PCDHGB1: variants seen among roughly 807,000 people sequenced by gnomAD.
PCDHGB1 encodes the protein protocadherin gamma subfamily B, 1.
A neutral mutation model predicts 56.6 loss-of-function variants in PCDHGB1; 34 were observed. The ratio of observed to expected loss-of-function variants is 0.60; its 90% CI spans 0.46 to 0.80. PCDHGB1 has a LOEUF of 0.80. Ranked by LOEUF, PCDHGB1 falls within the 30% of genes least tolerant of loss-of-function variation. The probability of loss-of-function intolerance (pLI) is 0.00; values close to 1 mark genes in which losing one functional copy is unlikely to be tolerated. For synonymous variants in PCDHGB1, 561 were observed against 505.9 expected, an observed-to-expected ratio of 1.11 and a Z score of -1.46; for missense variants, 1,278 against 1,204.6, an observed-to-expected ratio of 1.06 and a Z score of -0.90.
intron 1 of PCDHGB1, chr5:141,393,440 C>T (rs777552488): frequency 1.7e-5 from 27 of 1,613,924 alleles, no homozygotes; most frequent in Non-Finnish European, 2.3e-5. Context: ...CTGCTCACCA[C>T]CTGGTCCTCA....
At chr5:141,379,313 A>G (rs1053297201) in intron 1 of PCDHGB1, 11 of 152,382 alleles carry the variant, frequency 7.2e-5, no homozygotes, top group Non-Finnish European at 1.5e-4. Flanking sequence ...CCTAAACAAG[A>G]GATCTAATCA....
Position 141,447,179 on chromosome 5 carries a change from G to A in PCDHGB1, c.2410-47628G>A, listed in dbSNP as rs558348683. ...GTTTAAGCGGGGTCTTGCTCTTGTC[G>A]CGCAGGCTGGAGTGCAATGGCTTGA... On this transcript the variant is annotated intron_variant, in intron 1 of 3. Transcript: ENST00000523390. 4.6e-4 allele frequency among the ~76,000 whole-genome samples: 70 copies of A among 151,826 alleles called. 1 individual carries two copies. The highest frequency in any genetic ancestry group is 3.9e-4 in the East Asian group (2 of 5,158).
chr5:141,404,174 C>A, intron 1 of PCDHGB1: 1 of 1,613,138 alleles, frequency 6.2e-7, no homozygotes, highest in Non-Finnish European at 8.5e-7. Flanking sequence ...GTTGACGGCC[C>A]AAATTCTTGA....
chr5:141,413,129 A>T (rs761379605), intron 1 of PCDHGB1: 41 of 1,536,352 alleles, frequency 2.7e-5, no homozygotes, highest in Non-Finnish European at 3.6e-5. Context: ...GTTGAAACAC[A>T]CAACGTGTCC....
chr5:141,415,649 A>C, intron 1 of PCDHGB1: 1 of 1,597,710 alleles, frequency 6.3e-7, no homozygotes, highest in Non-Finnish European at 8.5e-7. Context: ...GTTAAAAAAA[A>C]AAAGATTGGT....
intron 1 of PCDHGB1, chr5:141,372,449 G>A (rs777753711): frequency 2.5e-6 from 4 of 1,614,064 alleles, no homozygotes; most frequent in African/African-American, 1.3e-5. Context: ...CTGACCCTCA[G>A]GCGGAGCTAC....
In PCDHGB1 at chr5:141,502,866, C is replaced by CTTTTTTTTTTTT. The variant is rs549047197; in HGVS notation, c.2469-2524_2469-2513dup. 2.4e-4 allele frequency among the ~76,000 whole-genome samples: 31 copies of CTTTTTTTTTTTT among 128,008 alleles called. 3 individuals are homozygous for CTTTTTTTTTTTT. Among genetic ancestry groups the CTTTTTTTTTTTT allele is most frequent in the African/African-American group, 3.4e-4 (11 of 32,350 alleles). 84.0% of individuals were successfully genotyped at this position (128,008 alleles called of 152,430 possible). ...GAGCTGCCTAACCCTGACTCTCTGT[C>CTTTTTTTTTTTT]TTTTTTTTTTTTTTGACAGGGAGTC... is the stretch of plus-strand genomic sequence containing the variant. On this transcript the variant is annotated intron_variant, in intron 2 of 3. Transcript: ENST00000523390.
At chr5:141,377,095 T>G (rs887467044) in intron 1 of PCDHGB1, 5 of 152,298 alleles carry the variant, frequency 3.3e-5, no homozygotes, top group Non-Finnish European at 7.3e-5. Context: ...GTTTTTCTTT[T>G]ATATCAAAAG....
chr5:141,429,698 A>G (rs1436698608), intron 1 of PCDHGB1, among the ~76,000 whole-genome samples: 2 of 152,228 alleles, frequency 1.3e-5, no homozygotes, highest in Admixed American at 6.5e-5. Flanking sequence ...ATATCTTTAC[A>G]GTATAAATAT....
chr5:141,428,015 A>G, intron 1 of PCDHGB1: 5 of 1,604,042 alleles, frequency 3.1e-6, no homozygotes, highest in Non-Finnish European at 3.4e-6. Flanking sequence ...ATATAGTGCC[A>G]CGCGCCGCAG....
At chr5:141,409,464 C>T in intron 1 of PCDHGB1, 1 of 1,613,940 alleles carries the variant, frequency 6.2e-7, no homozygotes, top group East Asian at 2.2e-5. Context: ...TACAATGTCA[C>T]CATCGTAGCC....
In PCDHGB1 at chr5:141,476,966, G is replaced by C. The variant is rs780645226; in HGVS notation, c.2410-17841G>C. The C allele has an allele frequency of 1.2e-6, 2 of 1,614,152 alleles. No homozygotes were observed. Among genetic ancestry groups the C allele is most frequent in the Non-Finnish European group, 1.7e-6 (2 of 1,180,032 alleles). On this transcript the variant is annotated intron_variant, in intron 1 of 3. Coordinates refer to ENST00000523390, the MANE Select transcript of PCDHGB1 (RefSeq NM_018922.3). This position sits in a 1 kb window ranked among gnomAD's most constrained non-coding sequence, Gnocchi z 7.6. ...CAACGGTGAAATTATTTACTCCTTCGGCAGCCACAACCGCGCCGGCGTGCG... is the reference window on the plus strand; with the variant it reads ...CAACGGTGAAATTATTTACTCCTTCCGCAGCCACAACCGCGCCGGCGTGCG...
intron 1 of PCDHGB1, chr5:141,413,440 A>G (rs4912751): frequency 0.46 from 738,760 of 1,613,878 alleles, 177,316 homozygotes; most frequent in African/African-American, 0.83. Flanking sequence ...CGGCAGCTTG[A>G]TCACCGCGGG....
chr5:141,501,343 C>T (rs1202291965), intron 2 of PCDHGB1, among the ~76,000 whole-genome samples: 1 of 150,430 alleles, frequency 6.6e-6, no homozygotes, highest in Non-Finnish European at 1.5e-5. Context: ...ACCCCAAACT[C>T]AATAGGGCAA....
At chr5:141,428,275 G>C in intron 1 of PCDHGB1, 1 of 767,218 alleles carries the variant, frequency 1.3e-6, no homozygotes, top group Non-Finnish European at 2.2e-6. Context: ...TGTGCCCTCT[G>C]ATTCCCAAGC....
intron 1 of PCDHGB1, among the ~76,000 whole-genome samples, chr5:141,401,116 G>A (rs763920346): frequency 1.3e-5 from 2 of 152,036 alleles, no homozygotes; most frequent in African/African-American, 2.4e-5. Flanking sequence ...GGCCGAGGCG[G>A]TTGGATCACA....
chr5:141,399,620 CCTCTT>C (rs1251716471), intron 1 of PCDHGB1: 1 of 1,613,940 alleles, frequency 6.2e-7, no homozygotes, highest in Non-Finnish European at 8.5e-7. Context: ...CTGGCACTGG[CCTCTT>C]ACGTGTCCAT....
intron 3 of PCDHGB1, among the ~76,000 whole-genome samples, chr5:141,507,805 G>C (rs2099863746): frequency 6.6e-6 from 1 of 152,204 alleles, no homozygotes; most frequent in Non-Finnish European, 1.5e-5. Flanking sequence ...TGCGCCCTGG[G>C]GAACGGACCC....
chr5:141,431,354 G>C lies in PCDHGB1; in HGVS notation c.2410-63453G>C. 6.2e-7 allele frequency: 1 copy of C among 1,614,036 alleles called. No individual in the cohort carries two copies. Among genetic ancestry groups the C allele is most frequent in the Non-Finnish European group, 8.5e-7 (1 of 1,180,038 alleles). ...GTACCCCGAATTGGTGCTGAAACGC[G>C]CCCTGGACCGCGAAGAAAAGGCTGC... On this transcript the variant is annotated intron_variant, in intron 1 of 3. Transcript: ENST00000523390. This position sits in a 1 kb window ranked among gnomAD's most constrained non-coding sequence, Gnocchi z 4.8.
Sources: allele counts gnomAD v4.1 joint callset (sites outside exome capture counted in the v4.1 genomes callset), GRCh38; gene constraint gnomAD v4.1.1; non-coding constraint Gnocchi (gnomAD v3.1); transcripts MANE v1.5; gene names NCBI Gene and HGNC (gene_info 2026-07-23, HGNC 2026-07-21).